The following D2HGDH variants were observed in gnomAD, a reference collection of about 807,000 sequenced individuals.
D2HGDH encodes the protein D-2-hydroxyglutarate dehydrogenase, mitochondrial.
In D2HGDH, 31 loss-of-function variants were observed where a neutral mutation model predicts 46.9. That is an observed-to-expected ratio of 0.66 (90% CI 0.50 to 0.89). The LOEUF (loss-of-function observed/expected upper bound fraction) is 0.89, where lower values mean the gene tolerates loss of function less well. Among genes scored for constraint, D2HGDH ranks in the 40% least tolerant of loss-of-function variants. The pLI, the probability that D2HGDH is intolerant of heterozygous loss-of-function variation, is 0.00. For missense variants in D2HGDH, 698 were observed against 720.8 expected (o/e 0.97, Z 0.36); for synonymous variants, 364 against 332.6 (o/e 1.09, Z -1.03).
At chr2:241,754,944 G>A (rs1236409196) in intron 8 of D2HGDH, 1 of 1,123,578 alleles carries the variant, frequency 8.9e-7, no homozygotes, top group Non-Finnish European at 1.1e-6. Context: ...AGGGTCTCTG[G>A]AGGGGCAGGT....
Position 241,767,688 on chromosome 2 carries a change from C to T in D2HGDH, c.1307-22C>T, listed in dbSNP as rs758437576. The T allele has an allele frequency of 8.7e-6, 14 of 1,612,256 alleles. No individual in the cohort carries two copies. The Admixed American group carries it at 2.0e-4, about 23-fold the overall frequency. Reference sequence around the variant, plus strand: ...TGGGGGCTGCCCTGCCCAGCCTGACCCATGTGCCCTTGTCCCTCCAGGAGA... The same window carrying T: ...TGGGGGCTGCCCTGCCCAGCCTGACTCATGTGCCCTTGTCCCTCCAGGAGA... On this transcript the variant is annotated intron_variant, in intron 9 of 9. Coordinates refer to ENST00000321264, the MANE Select transcript of D2HGDH (RefSeq NM_152783.5).
At chr2:241,765,295 G>C (rs1018771871) in intron 9 of D2HGDH, among the ~76,000 whole-genome samples, 3 of 149,316 alleles carry the variant, frequency 2.0e-5, no homozygotes, top group Non-Finnish European at 3.0e-5. Flanking sequence ...AGTAGGAAGA[G>C]GGGGGAGAAC....
In D2HGDH at chr2:241,767,745, G is replaced by C. The variant is rs1260693639; in HGVS notation, c.1342G>C (p.Ala448Pro). 6.2e-7 allele frequency: 1 copy of C among 1,612,902 alleles called. No individual in the cohort carries two copies. Among genetic ancestry groups the C allele is most frequent in the Admixed American group, 1.7e-5 (1 of 59,992 alleles). The change falls in exon 10 of 10, where the codon GCC (alanine) becomes CCC (proline). Residue 448 changes from alanine to proline, a missense_variant. Ala to Pro is a conservative substitution (Grantham distance 27). Transcript: ENST00000321264. Reference protein sequence around the residue: ...GNLHLNVTAEAFSPSLLAALE... With the variant: ...GNLHLNVTAEPFSPSLLAALE... The stretch of plus-strand genomic sequence containing the variant: ...CCTGCACCTCAATGTGACGGCGGAG[G>C]CCTTCAGCCCCTCGCTCCTGGCTGC...
At chr2:241,761,525 C>T (rs541692988) in intron 9 of D2HGDH, among the ~76,000 whole-genome samples, 7 of 152,142 alleles carry the variant, frequency 4.6e-5, no homozygotes, top group East Asian at 3.9e-4. Context: ...GGCAAAAGAG[C>T]GAAACTCCGT....
chr2:241,764,204 G>C (rs939728435), intron 9 of D2HGDH, among the ~76,000 whole-genome samples: 1 of 149,992 alleles, frequency 6.7e-6, no homozygotes, highest in Non-Finnish European at 1.5e-5. Flanking sequence ...ACTGGGGGGC[G>C]ACGGGGACTG....
At position 241,742,643 on chromosome 2, in the gene D2HGDH, G is replaced by A. The variant is rs1024555723; in HGVS notation, c.490+69G>A. ...GCTGGTGGAGTTCTTCCTTGCCAGCGTCTGCAACTGTGGGGTGCTTGGGTG... is the reference window on the plus strand; with the variant it reads ...GCTGGTGGAGTTCTTCCTTGCCAGCATCTGCAACTGTGGGGTGCTTGGGTG... On this transcript the variant is annotated intron_variant, in intron 4 of 9. Transcript: ENST00000321264. The surrounding 1 kb of genome is among the most constrained non-coding windows in gnomAD (Gnocchi z 4.8). The A allele has an allele frequency of 1.3e-5, 20 of 1,589,054 alleles. No individual in the cohort carries two copies. Among genetic ancestry groups the A allele is most frequent in the Middle Eastern group, 1.7e-4 (1 of 6,020 alleles).
At chr2:241,739,487 A>G (rs1003451531) in intron 2 of D2HGDH, among the ~76,000 whole-genome samples, 4 of 152,242 alleles carry the variant, frequency 2.6e-5, no homozygotes, top group Admixed American at 2.6e-4. Context: ...AAGAGACATA[A>G]GTGGCTTTCT....
chr2:241,760,161 G>T (rs1698630788), intron 9 of D2HGDH, among the ~76,000 whole-genome samples: 7 of 93,864 alleles, frequency 7.5e-5, no homozygotes, highest in South Asian at 7.2e-4. Flanking sequence ...TCAGTCGAAG[G>T]CCTTTGCTAC....
intron 9 of D2HGDH, among the ~76,000 whole-genome samples, chr2:241,763,621 A>G (rs1158918972): frequency 6.6e-6 from 1 of 152,168 alleles, no homozygotes; most frequent in Admixed American, 6.5e-5. Context: ...CAACATGGTG[A>G]CATCGTCATT....
chr2:241,738,648 C>T (rs912009172), intron 2 of D2HGDH, among the ~76,000 whole-genome samples: 22 of 152,322 alleles, frequency 1.4e-4, no homozygotes, highest in African/African-American at 4.1e-4. Flanking sequence ...TGGCTGTCCC[C>T]CTGGGTCCCC....
intron 9 of D2HGDH, among the ~76,000 whole-genome samples, chr2:241,758,965 T>C (rs566753819): frequency 6.6e-6 from 1 of 152,324 alleles, no homozygotes; most frequent in African/African-American, 2.4e-5. Context: ...TTATCATTCC[T>C]TCTTTGACCG....
intron 8 of D2HGDH, chr2:241,755,212 G>C (rs1697967737): frequency 7.7e-7 from 1 of 1,291,546 alleles, no homozygotes; most frequent in Non-Finnish European, 1.0e-6. Context: ...CTCCTCCACG[G>C]CCCGCCCACC....
chr2:241,745,041 G>A (rs1228298535), intron 6 of D2HGDH, among the ~76,000 whole-genome samples, 164 bp downstream of exon 6: 1 of 152,142 alleles, frequency 6.6e-6, no homozygotes, highest in Non-Finnish European at 1.5e-5. Context: ...CAGGAATCCA[G>A]GACCTGGCCT....
At chr2:241,763,108 G>A (rs1055614410) in intron 9 of D2HGDH, among the ~76,000 whole-genome samples, 5 of 152,218 alleles carry the variant, frequency 3.3e-5, no homozygotes, top group African/African-American at 7.2e-5. Flanking sequence ...TTTGGGACCC[G>A]AGGCAGCGTG....
At position 241,742,020 on chromosome 2, in the gene D2HGDH, C is replaced by G. The variant is rs1010537364; in HGVS notation, c.351-415C>G. 3.9e-5 allele frequency among the ~76,000 whole-genome samples: 6 copies of G among 152,122 alleles called. No homozygotes were observed. Among genetic ancestry groups the G allele is most frequent in the Non-Finnish European group, 8.8e-5 (6 of 68,020 alleles). On this transcript the variant is annotated intron_variant, in intron 3 of 9. Transcript: ENST00000321264. This position sits in a 1 kb window ranked among gnomAD's most constrained non-coding sequence, Gnocchi z 4.8. ...TGCAGGCTGGTTGGGAGGGAGGTAT[C>G]CTTGGGCACACGTCTGGGGGATAAT...
At chr2:241,748,796 C>A in intron 6 of D2HGDH, 1 of 1,143,220 alleles carries the variant, frequency 8.7e-7, no homozygotes. Flanking sequence ...GGCGGCAGTG[C>A]CATCTGGATC....
At chr2:241,763,758 C>T (rs1309703100) in intron 9 of D2HGDH, among the ~76,000 whole-genome samples, 2 of 152,092 alleles carry the variant, frequency 1.3e-5, no homozygotes, top group Non-Finnish European at 2.9e-5. Context: ...ACGCCAGGCA[C>T]GTGGCTCACA....
At chr2:241,737,705 AC>A (rs888148617) in intron 2 of D2HGDH, among the ~76,000 whole-genome samples, 20 of 152,182 alleles carry the variant, frequency 1.3e-4, no homozygotes, top group Non-Finnish European at 2.5e-4. Context: ...AGCCTGAGCA[AC>A]ATGGTGAAAC....
intron 6 of D2HGDH, among the ~76,000 whole-genome samples, chr2:241,748,047 G>A (rs1046077103): frequency 5.3e-5 from 8 of 152,174 alleles, no homozygotes; most frequent in Non-Finnish European, 8.8e-5. Flanking sequence ...AAGGGCTGTC[G>A]GCCAACAGCG....
Sources: allele counts gnomAD v4.1 joint callset (sites outside exome capture counted in the v4.1 genomes callset), GRCh38; gene constraint gnomAD v4.1.1; non-coding constraint Gnocchi (gnomAD v3.1); transcripts MANE v1.5; gene names NCBI Gene and HGNC (gene_info 2026-07-23, HGNC 2026-07-21).